The following ACADSB variants were observed in gnomAD, a reference collection of about 807,000 sequenced individuals.
ACADSB encodes the protein short/branched chain specific acyl-CoA dehydrogenase, mitochondrial.
In ACADSB, 40 loss-of-function variants were observed where a neutral mutation model predicts 54.1. That is an observed-to-expected ratio of 0.74 (90% CI 0.57 to 0.96). The LOEUF (loss-of-function observed/expected upper bound fraction) is 0.96, where lower values mean the gene tolerates loss of function less well. Ranked by LOEUF, ACADSB falls within the 40% of genes least tolerant of loss-of-function variation. The pLI, the probability that ACADSB is intolerant of heterozygous loss-of-function variation, is 0.00. For synonymous variants in ACADSB, 182 were observed against 182.8 expected (o/e 1.00, Z 0.03); for missense variants, 530 against 510.4 (o/e 1.04, Z -0.37).
Position 123,057,472 on chromosome 10 carries a change from A to G in ACADSB, c.*3707A>G, listed in dbSNP as rs953671856. The G allele has an allele frequency of 6.6e-6, 1 of 152,072 alleles. No homozygotes were observed. The highest frequency in any genetic ancestry group is 1.5e-5 in the Non-Finnish European group (1 of 68,008). The allele number at this position is 152,072 out of a possible 1,614,324, so 9.4% of individuals were successfully genotyped here. A position where few individuals can be genotyped will look rare whatever the true frequency, so the allele number is the denominator to read the frequency against. On this transcript the variant is annotated 3_prime_UTR_variant, in exon 11 of 11. Coordinates refer to ENST00000358776, the MANE Select transcript of ACADSB (RefSeq NM_001609.4). ...TTCTTCTGATAACCATGACTTCAGG[A>G]GCTTTAAAACTATCTATCTTGCATT...
chr10:123,035,031 C>A (rs1407892728), intron 2 of ACADSB, among the ~76,000 whole-genome samples: 1 of 151,750 alleles, frequency 6.6e-6, no homozygotes, highest in South Asian at 2.1e-4. Context: ...CTCACAGCAA[C>A]CTTTGCCTCC....
chr10:123,025,370 G>A lies in ACADSB; in HGVS notation c.43-8986G>A, dbSNP rs564859042. Among the ~76,000 whole-genome samples the A allele has an allele frequency of 2.0e-3, 303 of 152,174 alleles. 1 individual carries two copies. The highest frequency in any genetic ancestry group is 6.8e-3 in the African/African-American group (284 of 41,532). On this transcript the variant is annotated intron_variant, in intron 1 of 10. Transcript: ENST00000358776. ...TCCCAGCTACTTGGAAGGCTGAGGTGGGAGGATCATCTGAGTCCGGGAGGT... is the reference window on the plus strand; with the variant it reads ...TCCCAGCTACTTGGAAGGCTGAGGTAGGAGGATCATCTGAGTCCGGGAGGT...
chr10:123,011,471 G>T (rs1308658803), intron 1 of ACADSB, among the ~76,000 whole-genome samples: 1 of 151,816 alleles, frequency 6.6e-6, no homozygotes, highest in African/African-American at 2.4e-5. Context: ...AATTAGTGGA[G>T]AATTGGACCT....
chr10:123,053,459 A>C (rs1183750808), intron 10 of ACADSB, among the ~76,000 whole-genome samples: 8 of 152,202 alleles, frequency 5.3e-5, no homozygotes, highest in Non-Finnish European at 1.0e-4. Context: ...CAAAATCTTC[A>C]ACTTTTGTTT....
Position 123,057,288 on chromosome 10 carries a change from A to G in ACADSB, c.*3523A>G, listed in dbSNP as rs1342279206. On this transcript the variant is annotated 3_prime_UTR_variant, in exon 11 of 11. Coordinates refer to ENST00000358776, the MANE Select transcript of ACADSB (RefSeq NM_001609.4). The stretch of plus-strand genomic sequence containing the variant: ...TGATCAAGTTCTAATTTGTATGTAT[A>G]TTTTGTGCATATTCACCAATAACAG... 1 of 152,214 alleles carries G rather than the reference A, an allele frequency of 6.6e-6. No homozygotes were observed. The highest frequency in any genetic ancestry group is 2.4e-5 in the African/African-American group (1 of 41,456). 9.4% of individuals were successfully genotyped at this position (152,214 alleles called of 1,614,324 possible).
chr10:123,044,537 G>GA (rs1471179484), intron 7 of ACADSB, 52 bp downstream of exon 7: 3 of 1,435,984 alleles, frequency 2.1e-6, no homozygotes, highest in South Asian at 1.2e-5. Context: ...ACTGTGAAAA[G>GA]AAAAAAATGC....
intron 1 of ACADSB, among the ~76,000 whole-genome samples, chr10:123,027,854 T>A (rs2421140): frequency 0.024 from 3,645 of 152,292 alleles, 66 homozygotes; most frequent in Middle Eastern, 0.037. Flanking sequence ...TGGATCAGGT[T>A]TTGTAAGCAT....
intron 8 of ACADSB, 138 bp downstream of exon 8, chr10:123,047,436 C>A: frequency 3.0e-6 from 2 of 677,140 alleles, no homozygotes; most frequent in East Asian, 2.7e-5. Context: ...AAGAATAGGT[C>A]TCAGGGAGTG....
intron 9 of ACADSB, 49 bp from the exon 10 acceptor site, chr10:123,053,012 T>G: frequency 7.0e-7 from 1 of 1,421,504 alleles, no homozygotes; most frequent in Non-Finnish European, 1.0e-6. Flanking sequence ...GTGTTTATCA[T>G]GTATAAGTTA....
chr10:123,044,784 TAA>T (rs889225470), intron 7 of ACADSB, among the ~76,000 whole-genome samples: 1 of 151,968 alleles, frequency 6.6e-6, no homozygotes, highest in Non-Finnish European at 1.5e-5. Context: ...TATGGCACTT[TAA>T]AAAAAATCAA....
At chr10:123,051,321 T>A (rs1850630870) in intron 9 of ACADSB, 135 bp downstream of exon 9, 1 of 1,174,570 alleles carries the variant, frequency 8.5e-7, no homozygotes, top group African/African-American at 1.6e-5. Context: ...AACATGGACT[T>A]TTATTTCTTA....
At chr10:123,036,025 A>AT (rs1181847947) in intron 2 of ACADSB, among the ~76,000 whole-genome samples, 2 of 152,192 alleles carry the variant, frequency 1.3e-5, no homozygotes, top group South Asian at 2.1e-4. Flanking sequence ...GAGGACATGT[A>AT]TACACCAGCG....
chr10:123,025,772 G>C (rs1850243097), intron 1 of ACADSB, among the ~76,000 whole-genome samples: 1 of 152,144 alleles, frequency 6.6e-6, no homozygotes, highest in South Asian at 2.1e-4. Context: ...ATATAAGAAT[G>C]CCTGGCCCAG....
intron 2 of ACADSB, among the ~76,000 whole-genome samples, chr10:123,036,549 A>G (rs757166984): frequency 3.3e-5 from 5 of 152,200 alleles, no homozygotes; most frequent in Non-Finnish European, 7.3e-5. Context: ...TTATTTCTTT[A>G]GTATCCACCT....
rs542929323 is a variant in ACADSB at position 123,009,080 on chromosome 10, G to C, written c.42+9G>C. On this transcript the variant is annotated intron_variant, in intron 1 of 10. Transcript: ENST00000358776. ...TGCGCGGCAGCAGGCTGGTGAGTGC[G>C]TTCGAGGCTGGCGTCCTGGGGGCCC... is the stretch of plus-strand genomic sequence containing the variant. The C allele has an allele frequency of 8.4e-6, 13 of 1,545,506 alleles. No individual in the cohort carries two copies. The South Asian group carries it at 1.4e-4, about 17-fold the overall frequency.
In ACADSB at chr10:123,055,633, C is replaced by G. The variant is rs10902868; in HGVS notation, c.*1868C>G. The G allele has an allele frequency of 0.88, 134,363 of 151,996 alleles. 59,434 individuals are homozygous for G. Among genetic ancestry groups the G allele is most frequent in the Middle Eastern group, 0.95 (284 of 298 alleles). The allele number at this position is 151,996 out of a possible 1,614,324, so 9.4% of individuals were successfully genotyped here. The stretch of plus-strand genomic sequence containing the variant: ...TCTGAGACAAGGCAAGTCCCTTCCA[C>G]TTATGAACCTGTAAAATCAAAAGTA... On this transcript the variant is annotated 3_prime_UTR_variant, in exon 11 of 11. Coordinates refer to ENST00000358776, the MANE Select transcript of ACADSB (RefSeq NM_001609.4).
Position 123,024,979 on chromosome 10 carries a change from C to T in ACADSB, c.43-9377C>T, listed in dbSNP as rs1010068519. On this transcript the variant is annotated intron_variant, in intron 1 of 10. Coordinates refer to ENST00000358776, the MANE Select transcript of ACADSB (RefSeq NM_001609.4). The stretch of plus-strand genomic sequence containing the variant: ...CCAGACCCTATTTCCTGCCTCAGTC[C>T]CAGCTATCCTGGAGGCTGAGGTGGG... Among the ~76,000 whole-genome samples the T allele has an allele frequency of 3.3e-5, 5 of 152,328 alleles. No homozygotes were observed. The East Asian group carries it at 5.8e-4, about 18-fold the overall frequency.
At chr10:123,033,108 A>G (rs1486762558) in intron 1 of ACADSB, among the ~76,000 whole-genome samples, 1 of 152,040 alleles carries the variant, frequency 6.6e-6, no homozygotes, top group East Asian at 1.9e-4. Flanking sequence ...TTCTAGCCCA[A>G]AGTTTTCCTG....
chr10:123,017,310 C>T (rs1351666826), intron 1 of ACADSB, among the ~76,000 whole-genome samples: 4 of 152,002 alleles, frequency 2.6e-5, no homozygotes, highest in Non-Finnish European at 5.9e-5. Flanking sequence ...AACTCCTTTA[C>T]CTTATATTTA....
Sources: gnomAD v4.1 joint callset for allele counts (sites outside exome capture counted in the v4.1 genomes callset) on GRCh38, gnomAD v4.1.1 for gene constraint, MANE v1.5 for transcripts, NCBI Gene and HGNC (gene_info 2026-07-23, HGNC 2026-07-21) for gene names.